Variants in NFIB observed in about 807,000 individuals in gnomAD.
NFIB encodes nuclear factor I B, also known as nuclear factor 1 B-type.
NFIB carries 11 observed loss-of-function variants against 61.5 expected under a neutral mutation model. That is an observed-to-expected ratio of 0.18 (90% CI 0.11 to 0.30). The LOEUF (loss-of-function observed/expected upper bound fraction) is 0.30, where lower values mean the gene tolerates loss of function less well. NFIB is among the 10% of genes least tolerant of loss of function. The pLI is 1.00. For missense variants in NFIB, 471 were observed against 608.9 expected, an observed-to-expected ratio of 0.77 and a Z score of 2.38; for synonymous variants, 260 against 216.5, an observed-to-expected ratio of 1.20 and a Z score of -1.76.
chr9:14,266,980 T>C (rs975766597), intron 2 of NFIB, among the ~76,000 whole-genome samples: 2 of 152,078 alleles, frequency 1.3e-5, no homozygotes, highest in Non-Finnish European at 2.9e-5. Flanking sequence ...ATTCACAGAA[T>C]CAGAACTGGG....
chr9:14,183,666 A>C (rs1290439336), intron 2 of NFIB, among the ~76,000 whole-genome samples: 1 of 152,106 alleles, frequency 6.6e-6, no homozygotes, highest in Non-Finnish European at 1.5e-5. Flanking sequence ...CGGCCTCCCA[A>C]AGTGCTGGGA....
chr9:14,150,106 T>G, intron 5 of NFIB, 39 bp downstream of exon 5: 1 of 1,612,356 alleles, frequency 6.2e-7, no homozygotes. Context: ...AACCTATGTG[T>G]GTATCACTTG....
At chr9:14,188,909 T>G (rs895321035) in intron 2 of NFIB, among the ~76,000 whole-genome samples, 1 of 152,194 alleles carries the variant, frequency 6.6e-6, no homozygotes, top group African/African-American at 2.4e-5. Context: ...AAAACCAGAA[T>G]GTCATCAGAC....
chr9:14,433,857 T>C, the NFIB span, among the ~76,000 whole-genome samples: 4 of 152,230 alleles, frequency 2.6e-5, no homozygotes, highest in Admixed American at 6.5e-5. Context: ...ATTTTCATGA[T>C]TGCATGTCTG....
the NFIB span, among the ~76,000 whole-genome samples, chr9:14,456,447 T>A: frequency 3.3e-5 from 5 of 152,152 alleles, no homozygotes; most frequent in African/African-American, 9.7e-5. Context: ...TATAGACATA[T>A]AATTAATTTC....
chr9:14,376,296 T>C (rs1174517618), intron 1 of NFIB, among the ~76,000 whole-genome samples: 3 of 146,840 alleles, frequency 2.0e-5, no homozygotes, highest in African/African-American at 8.2e-5. Flanking sequence ...CTTACAATCA[T>C]GTTTTAAACA....
At chr9:14,111,146 T>C (rs557351379) in intron 10 of NFIB, among the ~76,000 whole-genome samples, 1 of 152,148 alleles carries the variant, frequency 6.6e-6, no homozygotes, top group Non-Finnish European at 1.5e-5. Flanking sequence ...CTAGAACTCA[T>C]AGTTTTTAAA....
At chr9:14,305,967 T>A in intron 2 of NFIB, 3 of 1,352,056 alleles carry the variant, frequency 2.2e-6, no homozygotes, top group Non-Finnish European at 2.9e-6. Context: ...TTGTTGGTAA[T>A]GCAAGGACAT....
At position 14,088,629 on chromosome 9, in the gene NFIB, A is replaced by C. The variant is rs1743543; in HGVS notation, c.1468-303T>G. Among the ~76,000 whole-genome samples, 6 of 152,240 alleles carry C rather than the reference A, an allele frequency of 3.9e-5. 1 individual carries two copies. The highest frequency in any genetic ancestry group is 1.2e-4 in the African/African-American group (5 of 41,552). ...GGATATTCTAAAATATTTTACATTA[A>C]TCAATATAAATGCAATATCATTCTT... On this transcript the variant is annotated intron_variant, in intron 10 of 10. Transcript: ENST00000380953.
chr9:14,495,361 G>T, the NFIB span, among the ~76,000 whole-genome samples: 1 of 151,754 alleles, frequency 6.6e-6, no homozygotes, highest in East Asian at 1.9e-4. Flanking sequence ...ATATCTACGG[G>T]GATTTCAGAT....
chr9:14,207,382 G>A (rs1471880407), intron 2 of NFIB, among the ~76,000 whole-genome samples: 1 of 152,064 alleles, frequency 6.6e-6, no homozygotes, highest in African/African-American at 2.4e-5. Flanking sequence ...CAATTTTCCT[G>A]GCAAAAGCCT....
chr9:14,528,618 T>C, the NFIB span, among the ~76,000 whole-genome samples: 1 of 152,122 alleles, frequency 6.6e-6, no homozygotes, highest in Non-Finnish European at 1.5e-5. Flanking sequence ...CTTACAAATG[T>C]TCTGGCCTGG....
intron 2 of NFIB, among the ~76,000 whole-genome samples, chr9:14,212,082 G>C (rs2050371363): frequency 6.6e-6 from 1 of 152,282 alleles, no homozygotes; most frequent in African/African-American, 2.4e-5. Context: ...AAGGTAACTG[G>C]ACTTTCCTTA....
chr9:14,227,658 T>C (rs1180060556), intron 2 of NFIB, among the ~76,000 whole-genome samples: 1 of 152,228 alleles, frequency 6.6e-6, no homozygotes, highest in Non-Finnish European at 1.5e-5. Context: ...TAACCACCCC[T>C]TACATATGTC....
At chr9:14,458,762 T>C in the NFIB span, among the ~76,000 whole-genome samples, 1 of 152,148 alleles carries the variant, frequency 6.6e-6, no homozygotes, top group African/African-American at 2.4e-5. Context: ...AAACTCCCAT[T>C]CACAATTGCT....
the NFIB span, among the ~76,000 whole-genome samples, chr9:14,497,067 G>C: frequency 1.3e-5 from 2 of 152,202 alleles, no homozygotes; most frequent in Non-Finnish European, 2.9e-5. Context: ...ACAAAGTCAC[G>C]AGAACCTGCC....
chr9:14,227,008 G>A (rs1472849985), intron 2 of NFIB, among the ~76,000 whole-genome samples: 1 of 151,954 alleles, frequency 6.6e-6, no homozygotes, highest in African/African-American at 2.4e-5. Flanking sequence ...GGCCGTGGTG[G>A]TGCATGTCTG....
At chr9:14,347,717 T>C (rs2061047395) in intron 1 of NFIB, among the ~76,000 whole-genome samples, 1 of 152,008 alleles carries the variant, frequency 6.6e-6, no homozygotes, top group African/African-American at 2.4e-5. Context: ...GTAAAAGACA[T>C]TTCCTTAGGA....
At chr9:14,187,800 A>G (rs944854362) in intron 2 of NFIB, among the ~76,000 whole-genome samples, 5 of 152,214 alleles carry the variant, frequency 3.3e-5, no homozygotes, top group Admixed American at 1.3e-4. Context: ...CAAAAATCAT[A>G]TATCAAAAAA....
Sources: allele counts gnomAD v4.1 joint callset (sites outside exome capture counted in the v4.1 genomes callset), GRCh38; gene constraint gnomAD v4.1.1; transcripts MANE v1.5; gene names NCBI Gene and HGNC (gene_info 2026-07-23, HGNC 2026-07-21).